The following RBPJ variants were observed in gnomAD, a reference collection of about 807,000 sequenced individuals.
RBPJ encodes the protein recombining binding protein suppressor of hairless.
In RBPJ, 9 loss-of-function variants were observed where a neutral mutation model predicts 67.8. The observed-to-expected ratio is 0.13, with a 90% CI of 0.08 to 0.23. RBPJ has a LOEUF of 0.23. Among genes scored for constraint, RBPJ ranks in the 10% least tolerant of loss-of-function variants. The pLI is 1.00. For synonymous variants in RBPJ, 198 were observed against 203.3 expected (o/e 0.97, Z 0.22); for missense variants, 305 against 595.6 (o/e 0.51, Z 5.08).
intron 2 of RBPJ, among the ~76,000 whole-genome samples, chr4:26,405,968 G>A (rs531317501): frequency 6.6e-6 from 1 of 152,138 alleles, no homozygotes; most frequent in Non-Finnish European, 1.5e-5. Flanking sequence ...ACAAGGAATA[G>A]AATTGAAAAT....
chr4:26,405,391 T>C (rs1733288572), intron 2 of RBPJ, among the ~76,000 whole-genome samples: 1 of 152,220 alleles, frequency 6.6e-6, no homozygotes, highest in Admixed American at 6.5e-5. Flanking sequence ...TCAGAATTGT[T>C]ATAGTTTCAT....
chr4:26,432,494 G>A lies in RBPJ; in HGVS notation c.*1487G>A, dbSNP rs966956375. On this transcript the variant is annotated 3_prime_UTR_variant, in exon 11 of 11. Coordinates refer to ENST00000355476, the MANE Select transcript of RBPJ (RefSeq NM_015874.6). ...GAAAATGTTTCTTTTCTTTTCAGTT[G>A]AGATTTGGTTGCATTCAGGGTTGTA... 3 of 152,066 alleles carry A rather than the reference G, an allele frequency of 2.0e-5. No homozygotes were observed. The highest frequency in any genetic ancestry group is 7.2e-5 in the African/African-American group (3 of 41,388). 9.4% of individuals were successfully genotyped at this position (152,066 alleles called of 1,614,324 possible). A position where few individuals can be genotyped will look rare whatever the true frequency, so the allele number is the denominator to read the frequency against.
chr4:26,231,884 T>A (rs912654719), intron 1 of RBPJ, among the ~76,000 whole-genome samples: 1 of 150,950 alleles, frequency 6.6e-6, no homozygotes, highest in South Asian at 2.1e-4. Context: ...AATTTTTATT[T>A]ATTTTTATTT....
upstream of RBPJ, among the ~76,000 whole-genome samples, chr4:26,317,828 T>C (rs1012275156): frequency 2.6e-5 from 4 of 152,110 alleles, no homozygotes; most frequent in African/African-American, 9.7e-5. Flanking sequence ...GGGCTGCAGA[T>C]GGAGCATGTT....
At chr4:26,202,445 T>TC (rs754422827) in intron 1 of RBPJ, among the ~76,000 whole-genome samples, 2 of 151,348 alleles carry the variant, frequency 1.3e-5, no homozygotes, top group East Asian at 2.0e-4. Context: ...GATCTTTCCT[T>TC]CCCCCCAGCC....
At chr4:26,346,344 A>G (rs904695901) in intron 1 of RBPJ, among the ~76,000 whole-genome samples, 1 of 152,334 alleles carries the variant, frequency 6.6e-6, no homozygotes, top group South Asian at 2.1e-4. Context: ...TCTGATTTAC[A>G]TAGGGCTCAC....
At chr4:26,107,499 G>C in the RBPJ span, among the ~76,000 whole-genome samples, 1 of 152,214 alleles carries the variant, frequency 6.6e-6, no homozygotes, top group Non-Finnish European at 1.5e-5. Context: ...CTTCACGCAA[G>C]GGTTGGGAAA....
chr4:26,298,745 G>T (rs1488218385), intron 1 of RBPJ, among the ~76,000 whole-genome samples: 2 of 152,268 alleles, frequency 1.3e-5, no homozygotes, highest in Non-Finnish European at 2.9e-5. Flanking sequence ...GATTCAGGGC[G>T]GGTTGTTGGG....
chr4:26,240,493 GT>G (rs960907048), intron 1 of RBPJ, among the ~76,000 whole-genome samples: 56 of 152,336 alleles, frequency 3.7e-4, no homozygotes, highest in Admixed American at 1.2e-3. Context: ...AGTGCCAGAT[GT>G]AGGATTAGAG....
intron 1 of RBPJ, among the ~76,000 whole-genome samples, chr4:26,215,006 A>G (rs1420308300): frequency 1.5e-4 from 9 of 59,916 alleles, no homozygotes; most frequent in African/African-American, 5.4e-4. Context: ...GAGGGAAGGA[A>G]GGAAGGAGAG....
chr4:26,248,637 T>C (rs1048053012), intron 1 of RBPJ, among the ~76,000 whole-genome samples: 7 of 152,202 alleles, frequency 4.6e-5, no homozygotes, highest in Non-Finnish European at 8.8e-5. Context: ...TTAGACTATA[T>C]AACAGTGAAT....
chr4:26,182,688 G>A (rs1040980974), intron 1 of RBPJ, among the ~76,000 whole-genome samples: 2 of 151,532 alleles, frequency 1.3e-5, no homozygotes, highest in East Asian at 3.9e-4. Context: ...TGTAGAGATG[G>A]GGGTCTCATT....
At chr4:26,389,773 G>A (rs988311694) in intron 2 of RBPJ, among the ~76,000 whole-genome samples, 1 of 151,990 alleles carries the variant, frequency 6.6e-6, no homozygotes, top group African/African-American at 2.4e-5. Flanking sequence ...CAGGTAACTT[G>A]AATAGTCCTA....
At position 26,430,931 on chromosome 4, in the gene RBPJ, A is replaced by G. The variant is rs760469930; in HGVS notation, c.1388A>G (p.Asn463Ser). The change falls in exon 11 of 11, where the codon AAC (asparagine) becomes AGC (serine). Residue 463 changes from asparagine to serine, a missense_variant. By Grantham distance (46) the Asn-to-Ser change is conservative. Coordinates refer to ENST00000355476, the MANE Select transcript of RBPJ (RefSeq NM_015874.6). The surrounding 1 kb of genome is among the most constrained non-coding windows in gnomAD (Gnocchi z 4.1). Reference sequence around the variant, plus strand: ...GTGCCCCCTAACGAATCAAACACAAACAGCGAGGGAAGTTACACAAACGCC... The same window carrying G: ...GTGCCCCCTAACGAATCAAACACAAGCAGCGAGGGAAGTTACACAAACGCC... ...SQVPPNESNTNSEGSYTNAST... is the reference protein window; with the variant it reads ...SQVPPNESNTSSEGSYTNAST... The G allele has an allele frequency of 5.6e-6, 9 of 1,614,112 alleles. No homozygotes were observed. In the South Asian group the frequency reaches 9.9e-5, roughly 18 times the overall value.
Position 26,208,066 on chromosome 4 carries a change from A to T in RBPJ, c.-167+44452A>T, listed in dbSNP as rs148707435. Among the ~76,000 whole-genome samples, 19 of 152,344 alleles carry T rather than the reference A, an allele frequency of 1.2e-4. 1 individual carries two copies. In the East Asian group the frequency reaches 3.5e-3, roughly 28 times the overall value. The stretch of plus-strand genomic sequence containing the variant: ...AACTAGGGTTTCAAGACCAAGAGTG[A>T]CTTGCACAAGATCTGGCAGGACTGG... On this transcript the variant is annotated intron_variant, in intron 1 of 4. Coordinates refer to the RBPJ transcript ENST00000512351.
intron 1 of RBPJ, among the ~76,000 whole-genome samples, chr4:26,174,051 G>T (rs182510719): frequency 1.6e-4 from 25 of 152,324 alleles, no homozygotes; most frequent in African/African-American, 5.5e-4. Flanking sequence ...CAGGAAGGAC[G>T]CACTTACCAT....
chr4:26,286,326 A>T (rs1271007832), intron 1 of RBPJ, among the ~76,000 whole-genome samples: 1 of 151,976 alleles, frequency 6.6e-6, no homozygotes, highest in Non-Finnish European at 1.5e-5. Flanking sequence ...AAAAATAAAA[A>T]ATTAGCCAGA....
chr4:26,150,421 AG>A, the RBPJ span, among the ~76,000 whole-genome samples: 1 of 152,214 alleles, frequency 6.6e-6, no homozygotes, highest in Admixed American at 6.5e-5. Flanking sequence ...TTAGCCCCTT[AG>A]TAGTATGGCT....
chr4:26,428,451 G>C (rs1735896579), intron 7 of RBPJ, among the ~76,000 whole-genome samples: 1 of 151,738 alleles, frequency 6.6e-6, no homozygotes, highest in African/African-American at 2.4e-5. Context: ...CACTGATCTA[G>C]AAAACAAGTG....
Sources: allele counts gnomAD v4.1 joint callset (sites outside exome capture counted in the v4.1 genomes callset), GRCh38; gene constraint gnomAD v4.1.1; non-coding constraint Gnocchi (gnomAD v3.1); transcripts MANE v1.5; gene names NCBI Gene and HGNC (gene_info 2026-07-23, HGNC 2026-07-21).